Variants in TENM1 observed in about 807,000 individuals in gnomAD.
TENM1 encodes the protein teneurin-1.
TENM1 carries 35 observed loss-of-function variants against 174.8 expected under a neutral mutation model. The observed-to-expected ratio is 0.20, with a 90% CI of 0.15 to 0.27. The LOEUF is 0.27. Ranked by LOEUF, TENM1 falls within the 10% of genes least tolerant of loss-of-function variation. The pLI is 1.00. For synonymous variants in TENM1, 781 were observed against 798.7 expected, an observed-to-expected ratio of 0.98 and a Z score of 0.37; for missense variants, 1,633 against 2,130.1, an observed-to-expected ratio of 0.77 and a Z score of 4.59.
At chrX:124,941,397 A>T (rs1289121575) in intron 1 of TENM1, among the ~76,000 whole-genome samples, 1 of 111,455 alleles carries the variant, frequency 9.0e-6, no homozygotes, top group Non-Finnish European at 1.9e-5. Flanking sequence ...ACTTCTCAGC[A>T]ATTTTCCTGG....
the TENM1 span, among the ~76,000 whole-genome samples, chrX:125,113,413 A>G: frequency 2.7e-5 from 3 of 111,334 alleles, no homozygotes; most frequent in Non-Finnish European, 5.7e-5. Context: ...ATGAGATACA[A>G]TATTATACCA....
chrX:124,922,329 T>C (rs940648701), intron 1 of TENM1, among the ~76,000 whole-genome samples: 6 of 111,842 alleles, frequency 5.4e-5, no homozygotes, highest in Non-Finnish European at 1.1e-4. Flanking sequence ...AAAGATTTTC[T>C]CTTTATCCTT....
chrX:125,164,222 G>C, the TENM1 span, among the ~76,000 whole-genome samples: 2 of 111,486 alleles, frequency 1.8e-5, no homozygotes, highest in African/African-American at 6.5e-5. Flanking sequence ...TTAAGTGATT[G>C]ATAAATATAG....
At chrX:124,440,570 GA>G (rs1810799008) in intron 23 of TENM1, among the ~76,000 whole-genome samples, 2 of 111,330 alleles carry the variant, frequency 1.8e-5, no homozygotes, top group Admixed American at 9.5e-5. Context: ...TCAAGAAATA[GA>G]AAAAAATGAT....
chrX:124,865,092 C>A (rs968227086), intron 3 of TENM1, among the ~76,000 whole-genome samples: 2 of 111,536 alleles, frequency 1.8e-5, no homozygotes, highest in East Asian at 2.8e-4. Context: ...CAATACCAGA[C>A]CTGTTCTACA....
chrX:125,160,477 G>A, the TENM1 span, among the ~76,000 whole-genome samples: 13 of 101,989 alleles, frequency 1.3e-4, no homozygotes, highest in Non-Finnish European at 1.8e-4. Flanking sequence ...CCCGGTAGGC[G>A]GAGGTTGCAG....
Position 124,802,859 on chromosome X carries a change from C to T in TENM1, c.536-65662G>A, listed in dbSNP as rs2055492427. On this transcript the variant is annotated intron_variant, in intron 3 of 31. Coordinates refer to ENST00000422452, the Ensembl canonical transcript of TENM1. The stretch of plus-strand genomic sequence containing the variant: ...AAGTAGGGTGCAGCAGAAGGATGTG[C>T]TTGTTGCCAAGTTATTTCTATTGAT... 2.7e-5 allele frequency among the ~76,000 whole-genome samples: 3 copies of T among 111,918 alleles called. No individual in the cohort carries two copies. In the Admixed American group the frequency reaches 2.8e-4, roughly 11 times the overall value.
intron 22 of TENM1, among the ~76,000 whole-genome samples, chrX:124,462,060 T>C (rs904133528): frequency 2.7e-5 from 3 of 111,416 alleles, no homozygotes; most frequent in Non-Finnish European, 5.7e-5. Flanking sequence ...GACAATGCTA[T>C]GTGTTCATGT....
At chrX:124,581,208 G>T (rs1173617536) in intron 11 of TENM1, among the ~76,000 whole-genome samples, 1 of 108,029 alleles carries the variant, frequency 9.3e-6, no homozygotes, top group Non-Finnish European at 1.9e-5. Flanking sequence ...GGGATTACAG[G>T]TGCGTGCCAC....
At chrX:124,747,361 A>C (rs2053946600) in intron 3 of TENM1, among the ~76,000 whole-genome samples, 1 of 104,472 alleles carries the variant, frequency 9.6e-6, no homozygotes, top group African/African-American at 3.7e-5. Context: ...GCATAAACAG[A>C]AGAAAAAAAT....
chrX:125,033,321 T>C, the TENM1 span, among the ~76,000 whole-genome samples: 1 of 111,800 alleles, frequency 8.9e-6, no homozygotes, highest in African/African-American at 3.3e-5. Flanking sequence ...GAATTCCTCA[T>C]GGTGTCTTGT....
intron 3 of TENM1, among the ~76,000 whole-genome samples, chrX:124,796,593 T>C (rs1245149134): frequency 1.8e-5 from 2 of 111,770 alleles, no homozygotes; most frequent in Non-Finnish European, 3.8e-5. Flanking sequence ...AGTACGACTA[T>C]CTTGGGACTG....
the TENM1 span, among the ~76,000 whole-genome samples, chrX:124,969,406 T>C: frequency 2.7e-5 from 3 of 111,993 alleles, no homozygotes; most frequent in Non-Finnish European, 5.6e-5. Flanking sequence ...CTTATGTTCA[T>C]TTATTTAGTC....
chrX:125,202,610 C>A, the TENM1 span, among the ~76,000 whole-genome samples: 2 of 111,152 alleles, frequency 1.8e-5, no homozygotes, highest in Non-Finnish European at 3.8e-5. Context: ...CTGCTCAACC[C>A]GAAGCTGCCG....
intron 23 of TENM1, among the ~76,000 whole-genome samples, chrX:124,451,916 A>G (rs929819723): frequency 5.3e-5 from 6 of 112,151 alleles, no homozygotes; most frequent in Admixed American, 9.5e-5. Flanking sequence ...ATCCATAAAA[A>G]CCCTACAAGA....
intron 15 of TENM1, among the ~76,000 whole-genome samples, chrX:124,536,924 C>T (rs1237254804): frequency 9.0e-6 from 1 of 111,631 alleles, no homozygotes; most frequent in Admixed American, 9.5e-5. Flanking sequence ...TGTCACTTCT[C>T]TGAATCTGCC....
At chrX:124,380,254 A>G (rs2147560948) in exon 32 of TENM1, 1 of 255,734 alleles carries the variant, frequency 3.9e-6, no homozygotes, top group Admixed American at 6.3e-5. Context: ...ATGGCTCGGC[A>G]AATTGAAAGT....
chrX:124,481,887 C>T, exon 22 of TENM1: 2 of 1,205,798 alleles, frequency 1.7e-6, no homozygotes, highest in South Asian at 1.8e-5. Context: ...GTAGACTTTG[C>T]GAGTATTGGT....
At chrX:125,060,675 T>C in the TENM1 span, among the ~76,000 whole-genome samples, 3 of 110,528 alleles carry the variant, frequency 2.7e-5, no homozygotes, top group Admixed American at 2.9e-4. Context: ...GTGAAAAAAA[T>C]TGCTCAGCTC....
Sources: allele counts gnomAD v4.1 joint callset (sites outside exome capture counted in the v4.1 genomes callset), GRCh38; gene constraint gnomAD v4.1.1; transcripts MANE v1.5; gene names NCBI Gene and HGNC (gene_info 2026-07-23, HGNC 2026-07-21).